MACROD2: variants seen among roughly 807,000 people sequenced by gnomAD.
MACROD2 encodes the protein mono-ADP ribosylhydrolase 2.
MACROD2 carries 36 observed loss-of-function variants against 70.4 expected under a neutral mutation model. The ratio of observed to expected loss-of-function variants is 0.51; its 90% confidence interval spans 0.39 to 0.68. The LOEUF is 0.68. MACROD2 is among the 30% of genes least tolerant of loss of function. MACROD2 has a pLI of 0.00. For missense variants in MACROD2, 496 were observed against 538.4 expected (o/e 0.92, Z 0.78); for synonymous variants, 172 against 178.8 (o/e 0.96, Z 0.30).
At chr20:15,542,027 A>G (rs1332628458) in intron 8 of MACROD2, among the ~76,000 whole-genome samples, 1 of 152,170 alleles carries the variant, frequency 6.6e-6, no homozygotes, top group East Asian at 1.9e-4. Context: ...TTGGAAAGAA[A>G]CCCGTGTGAC....
At chr20:14,206,239 A>C (rs1038750031) in intron 3 of MACROD2, among the ~76,000 whole-genome samples, 1 of 152,262 alleles carries the variant, frequency 6.6e-6, no homozygotes, top group African/African-American at 2.4e-5. Flanking sequence ...GCAGTTTAGA[A>C]ATTCTGATCT....
In MACROD2 at chr20:15,825,079, A is replaced by G. The variant is rs190684145; in HGVS notation, c.646-37666A>G. Among the ~76,000 whole-genome samples the G allele has an allele frequency of 7.9e-5, 12 of 152,324 alleles. No homozygotes were observed. In the South Asian group the frequency reaches 1.7e-3, roughly 21 times the overall value. ...CATTGACAAGTGCCAATCTTTGACA[A>G]TGTTCTCACCAGGCCAAAGCACAAT... On this transcript the variant is annotated intron_variant, in intron 8 of 17. Transcript: ENST00000684519.
chr20:16,003,327 G>A (rs1241741246), intron 15 of MACROD2, among the ~76,000 whole-genome samples: 1 of 150,184 alleles, frequency 6.7e-6, no homozygotes. Flanking sequence ...AGAATATTAG[G>A]ACTTTATGAA....
intron 8 of MACROD2, among the ~76,000 whole-genome samples, chr20:15,553,695 C>T (rs779654747): frequency 7.4e-4 from 113 of 152,252 alleles, no homozygotes; most frequent in Non-Finnish European, 1.4e-3. Flanking sequence ...TCCAGGATTA[C>T]AGGCATGCTG....
At chr20:14,694,041 A>G (rs575290878) in intron 5 of MACROD2, among the ~76,000 whole-genome samples, 23 of 152,292 alleles carry the variant, frequency 1.5e-4, no homozygotes, top group African/African-American at 5.1e-4. Context: ...CTTGTCCTCT[A>G]AGAGCTTAGG....
chr20:16,039,501 TG>T (rs1455985220), intron 15 of MACROD2, among the ~76,000 whole-genome samples: 1 of 150,930 alleles, frequency 6.6e-6, no homozygotes, highest in Non-Finnish European at 1.5e-5. Flanking sequence ...TCCCTCAATT[TG>T]TAGCTTTTTA....
chr20:15,460,352 C>G (rs1427145675), intron 7 of MACROD2, among the ~76,000 whole-genome samples: 1 of 152,156 alleles, frequency 6.6e-6, no homozygotes, highest in African/African-American at 2.4e-5. Context: ...ATTCCACCCT[C>G]CAACCCCTGT....
chr20:14,620,084 C>T (rs912840113), intron 4 of MACROD2, among the ~76,000 whole-genome samples: 2 of 152,118 alleles, frequency 1.3e-5, no homozygotes, highest in Non-Finnish European at 2.9e-5. Flanking sequence ...GTTGAGTAGT[C>T]ATTATTTGGG....
chr20:15,668,306 G>A (rs2049929469), intron 8 of MACROD2, among the ~76,000 whole-genome samples: 1 of 151,146 alleles, frequency 6.6e-6, no homozygotes, highest in East Asian at 2.0e-4. Flanking sequence ...GCTCATACCT[G>A]TAATCAATCC....
At chr20:14,298,761 C>T (rs1188902148) in intron 3 of MACROD2, among the ~76,000 whole-genome samples, 1 of 148,926 alleles carries the variant, frequency 6.7e-6, no homozygotes, top group Non-Finnish European at 1.5e-5. Flanking sequence ...GACATTAATT[C>T]CAACCCTTAT....
intron 8 of MACROD2, 114 bp from the exon 9 acceptor site, chr20:15,862,631 T>C: frequency 1.3e-6 from 1 of 773,922 alleles, no homozygotes. Context: ...GATAGCAGTA[T>C]AGAACCAAAA....
intron 4 of MACROD2, among the ~76,000 whole-genome samples, chr20:14,679,740 C>CTT (rs11431643): frequency 6.6e-6 from 1 of 151,722 alleles, no homozygotes; most frequent in Non-Finnish European, 1.5e-5. Flanking sequence ...CTCCCACACG[C>CTT]TTTTTTTCAA....
At chr20:14,276,303 A>G (rs1393115571) in intron 3 of MACROD2, among the ~76,000 whole-genome samples, 2 of 151,052 alleles carry the variant, frequency 1.3e-5, no homozygotes, top group African/African-American at 2.4e-5. Flanking sequence ...AGCCATAAAA[A>G]ATGATGAGTT....
At chr20:14,950,578 A>G (rs1160441139) in intron 5 of MACROD2, among the ~76,000 whole-genome samples, 2 of 152,096 alleles carry the variant, frequency 1.3e-5, no homozygotes, top group Non-Finnish European at 2.9e-5. Context: ...CACATTAGGT[A>G]TTATTTTGTT....
chr20:14,265,258 A>G (rs1289004150), intron 3 of MACROD2, among the ~76,000 whole-genome samples: 1 of 152,208 alleles, frequency 6.6e-6, no homozygotes, highest in African/African-American at 2.4e-5. Context: ...ATTAGCATAG[A>G]AAAGAGTCCC....
chr20:15,890,610 T>C (rs2064876502), intron 10 of MACROD2, among the ~76,000 whole-genome samples: 2 of 152,134 alleles, frequency 1.3e-5, no homozygotes, highest in East Asian at 3.8e-4. Flanking sequence ...ATTGGCAAAA[T>C]TTTTCACCCT....
chr20:14,137,561 G>C (rs2054815707), intron 3 of MACROD2, among the ~76,000 whole-genome samples: 1 of 152,126 alleles, frequency 6.6e-6, no homozygotes, highest in Admixed American at 6.5e-5. Flanking sequence ...ATGATGTCGT[G>C]AAAACTTCAT....
intron 6 of MACROD2, among the ~76,000 whole-genome samples, chr20:15,352,443 C>A (rs1600279901): frequency 2.0e-5 from 3 of 151,856 alleles, no homozygotes; most frequent in African/African-American, 4.8e-5. Flanking sequence ...ATCAAAATAT[C>A]TATATATATA....
At chr20:14,495,363 T>C (rs1380879919) in intron 4 of MACROD2, among the ~76,000 whole-genome samples, 3 of 151,994 alleles carry the variant, frequency 2.0e-5, no homozygotes, top group Non-Finnish European at 2.9e-5. Flanking sequence ...TCAGGAGAAA[T>C]AGGAAAGGCA....
Sources: gnomAD v4.1 joint callset for allele counts (sites outside exome capture counted in the v4.1 genomes callset) on GRCh38, gnomAD v4.1.1 for gene constraint, MANE v1.5 for transcripts, NCBI Gene and HGNC (gene_info 2026-07-23, HGNC 2026-07-21) for gene names.